The following SPOPL variants were observed in gnomAD, a reference collection of about 807,000 sequenced individuals.
The protein encoded by SPOPL is speckle type BTB/POZ protein like, also known as speckle-type POZ protein-like.
SPOPL carries 23 observed loss-of-function variants against 53.8 expected under a neutral mutation model. The ratio of observed to expected loss-of-function variants is 0.43; its 90% CI spans 0.31 to 0.61. SPOPL has a LOEUF of 0.61. SPOPL is among the 20% of genes least tolerant of loss of function. The probability of loss-of-function intolerance (pLI) is 0.12; values close to 1 mark genes in which losing one functional copy is unlikely to be tolerated. For missense variants in SPOPL, 442 were observed against 466.9 expected (o/e 0.95, Z 0.49); for synonymous variants, 164 against 149.7 (o/e 1.10, Z -0.70).
intron 1 of SPOPL, among the ~76,000 whole-genome samples, chr2:138,506,907 C>T (rs1028445800): frequency 3.3e-5 from 5 of 152,124 alleles, no homozygotes; most frequent in Non-Finnish European, 5.9e-5. Context: ...CCCTATGAAT[C>T]TTTCACATTT....
chr2:138,552,509 T>G, intron 4 of SPOPL, 45 bp from the exon 5 acceptor site: 1 of 1,573,852 alleles, frequency 6.4e-7, no homozygotes, highest in Non-Finnish European at 8.6e-7. Flanking sequence ...TTAAAAAGTC[T>G]CTTGGATATT....
At chr2:138,545,630 A>G (rs1305923938) in intron 1 of SPOPL, among the ~76,000 whole-genome samples, 1 of 151,708 alleles carries the variant, frequency 6.6e-6, no homozygotes, top group African/African-American at 2.4e-5. Flanking sequence ...TAGCACAGAC[A>G]GGGTTTCACC....
chr2:138,529,540 G>GTT (rs1684760524), intron 1 of SPOPL, among the ~76,000 whole-genome samples: 1 of 145,238 alleles, frequency 6.9e-6, no homozygotes, highest in Non-Finnish European at 1.5e-5. Context: ...GTGTGTTTGC[G>GTT]TGCGCGCGCG....
Position 138,564,867 on chromosome 2 carries a change from T to C in SPOPL, c.980+17T>C, listed in dbSNP as rs1685627353. 2 of 1,613,916 alleles carry C rather than the reference T, an allele frequency of 1.2e-6. No individual in the cohort carries two copies. Among genetic ancestry groups the C allele is most frequent in the South Asian group, 1.1e-5 (1 of 91,072 alleles). ...TATTAATAGGTAAGCTATGCTTGTA[T>C]TTCAGTGGGCATGACAACTTCAATA... On this transcript the variant is annotated intron_variant, in intron 9 of 10. Coordinates refer to ENST00000280098, the MANE Select transcript of SPOPL (RefSeq NM_001001664.3).
chr2:138,552,469 C>T, intron 4 of SPOPL, 85 bp from the exon 5 acceptor site: 3 of 1,454,302 alleles, frequency 2.1e-6, no homozygotes, highest in Non-Finnish European at 2.8e-6. Flanking sequence ...GTCCTGTTTT[C>T]ACACATTTTA....
intron 3 of SPOPL, 55 bp downstream of exon 3, chr2:138,550,659 G>A (rs1415981607): frequency 2.6e-6 from 4 of 1,556,622 alleles, no homozygotes; most frequent in South Asian, 1.2e-5. Flanking sequence ...GTGATCATCA[G>A]CTGCTCATGA....
intron 1 of SPOPL, among the ~76,000 whole-genome samples, chr2:138,536,059 T>A (rs1684925166): frequency 6.6e-6 from 1 of 152,228 alleles, no homozygotes; most frequent in African/African-American, 2.4e-5. Context: ...CTAATTATGA[T>A]TTCCTTTAGT....
At chr2:138,505,753 T>C (rs1240882292) in intron 1 of SPOPL, among the ~76,000 whole-genome samples, 2 of 151,880 alleles carry the variant, frequency 1.3e-5, no homozygotes, top group Admixed American at 6.6e-5. Flanking sequence ...AGAGTGAGAC[T>C]CTGTCTCAAA....
At chr2:138,546,003 A>C (rs913538266) in intron 1 of SPOPL, among the ~76,000 whole-genome samples, 2 of 152,228 alleles carry the variant, frequency 1.3e-5, no homozygotes, top group Non-Finnish European at 2.9e-5. Flanking sequence ...TAAAGAGAGG[A>C]AACATGATGG....
At chr2:138,522,187 A>G (rs1365987639) in intron 1 of SPOPL, among the ~76,000 whole-genome samples, 1 of 152,188 alleles carries the variant, frequency 6.6e-6, no homozygotes, top group African/African-American at 2.4e-5. Flanking sequence ...GAAAGCCTTA[A>G]GGTCTACCAT....
intron 1 of SPOPL, among the ~76,000 whole-genome samples, chr2:138,528,749 A>G (rs1027118807): frequency 1.3e-5 from 2 of 152,196 alleles, no homozygotes; most frequent in African/African-American, 2.4e-5. Context: ...TGTTACTTAC[A>G]TGCTGGAAAG....
chr2:138,531,741 T>G (rs367605039), intron 1 of SPOPL, among the ~76,000 whole-genome samples: 26 of 152,236 alleles, frequency 1.7e-4, no homozygotes, highest in East Asian at 1.5e-3. Context: ...GAATTTCCAT[T>G]TGATTCTTTT....
At chr2:138,545,331 G>T (rs1685170355) in intron 1 of SPOPL, among the ~76,000 whole-genome samples, 4 of 152,180 alleles carry the variant, frequency 2.6e-5, no homozygotes, top group Admixed American at 1.3e-4. Flanking sequence ...CAAACTAGGG[G>T]AGGGAGCCGT....
At chr2:138,515,623 A>T (rs1684420507) in intron 1 of SPOPL, among the ~76,000 whole-genome samples, 1 of 152,200 alleles carries the variant, frequency 6.6e-6, no homozygotes, top group Non-Finnish European at 1.5e-5. Flanking sequence ...AATCCTTTTC[A>T]GTGTTAAGAT....
chr2:138,517,080 T>C (rs1431048531), intron 1 of SPOPL, among the ~76,000 whole-genome samples: 1 of 152,244 alleles, frequency 6.6e-6, no homozygotes, highest in Non-Finnish European at 1.5e-5. Flanking sequence ...ACTGTTACTT[T>C]AACACAATTA....
chr2:138,561,879 AC>A (rs919144749), intron 8 of SPOPL, among the ~76,000 whole-genome samples: 15 of 149,666 alleles, frequency 1.0e-4, no homozygotes, highest in African/African-American at 3.7e-4. Context: ...CTCCCTCTCT[AC>A]CCCCTCAAGG....
chr2:138,530,849 A>G (rs1239729990), intron 1 of SPOPL, among the ~76,000 whole-genome samples: 1 of 151,910 alleles, frequency 6.6e-6, no homozygotes, highest in South Asian at 2.1e-4. Flanking sequence ...CCTCTAGTAC[A>G]TGTTGAATGG....
intron 1 of SPOPL, among the ~76,000 whole-genome samples, chr2:138,514,633 C>G (rs1030239939): frequency 6.6e-6 from 1 of 152,050 alleles, no homozygotes; most frequent in African/African-American, 2.4e-5. Context: ...AGTTTGGGGC[C>G]GTCATGAATA....
chr2:138,524,574 C>A (rs1268784640), intron 1 of SPOPL, among the ~76,000 whole-genome samples: 1 of 152,222 alleles, frequency 6.6e-6, no homozygotes, highest in Non-Finnish European at 1.5e-5. Flanking sequence ...ATGCCTTTAA[C>A]AGCACCCAGG....
Sources: allele counts gnomAD v4.1 joint callset (sites outside exome capture counted in the v4.1 genomes callset), GRCh38; gene constraint gnomAD v4.1.1; transcripts MANE v1.5; gene names NCBI Gene and HGNC (gene_info 2026-07-23, HGNC 2026-07-21).